The following INSR variants were observed in gnomAD, a reference collection of about 807,000 sequenced individuals.
The protein encoded by INSR is IR.
A neutral mutation model predicts 142.6 loss-of-function variants in INSR; 67 were observed. The observed-to-expected ratio is 0.47, with a 90% CI of 0.39 to 0.58. The LOEUF is 0.58. INSR is among the 20% of genes least tolerant of loss of function. The pLI, the probability that INSR is intolerant of heterozygous loss-of-function variation, is 0.00. For synonymous variants in INSR, 756 were observed against 743.1 expected, an observed-to-expected ratio of 1.02 and a Z score of -0.28; for missense variants, 1,248 against 1,833.2, an observed-to-expected ratio of 0.68 and a Z score of 5.83.
In INSR at chr19:7,267,987, C is replaced by T; in HGVS notation, c.101-91G>A. The stretch of plus-strand genomic sequence containing the variant: ...TCAGGGGCAGAGCCGGCTTCATGGA[C>T]AGGAAACCTGGGCCCTGTGTTTTCA... On this transcript the variant is annotated intron_variant, in intron 1 of 21. Coordinates refer to ENST00000302850, the MANE Select transcript of INSR (RefSeq NM_000208.4). This position sits in a 1 kb window ranked among gnomAD's most constrained non-coding sequence, Gnocchi z 6.3. 9.0e-7 allele frequency: 1 copy of T among 1,115,826 alleles called. No individual in the cohort carries two copies. The highest frequency in any genetic ancestry group is 2.5e-5 in the East Asian group (1 of 39,434). 69.1% of individuals were successfully genotyped at this position (1,115,826 alleles called of 1,614,324 possible). A position where few individuals can be genotyped will look rare whatever the true frequency, so the allele number is the denominator to read the frequency against.
At chr19:7,244,579 C>A (rs1976472660) in intron 2 of INSR, among the ~76,000 whole-genome samples, 1 of 151,710 alleles carries the variant, frequency 6.6e-6, no homozygotes, top group South Asian at 2.1e-4. Flanking sequence ...AGATCCCATA[C>A]CTGCCCGGAA....
chr19:7,168,900 A>G lies in INSR; in HGVS notation c.1484-806T>C, dbSNP rs1303847778. 6.6e-6 allele frequency among the ~76,000 whole-genome samples: 1 copy of G among 152,014 alleles called. No individual in the cohort carries two copies. Among genetic ancestry groups the G allele is most frequent in the Non-Finnish European group, 1.5e-5 (1 of 68,002 alleles). Reference sequence around the variant, plus strand: ...ATTCCAGGCGTGAGCCACCATGCCCAGCCCTTGCACTACATTTTGACATAA... The same window carrying G: ...ATTCCAGGCGTGAGCCACCATGCCCGGCCCTTGCACTACATTTTGACATAA... On this transcript the variant is annotated intron_variant, in intron 6 of 21. Coordinates refer to ENST00000302850, the MANE Select transcript of INSR (RefSeq NM_000208.4). This position sits in a 1 kb window ranked among gnomAD's most constrained non-coding sequence, Gnocchi z 4.3.
Position 7,142,832 on chromosome 19 carries a change from C to T in INSR, c.2526G>A (p.Ala842=), listed in dbSNP as rs2229430. 9.3e-6 allele frequency: 15 copies of T among 1,613,926 alleles called. No individual in the cohort carries two copies. In the African/African-American group the frequency reaches 1.3e-4, roughly 14 times the overall value. ...ERCSVAAYVS[A]RTMPEAKADD... ...CAGCCCTACCTTCAGGCATGGTCCT[C>T]GCACTGACGTAGGCTGCCACACTGC... Residue 842 remains alanine (A), a synonymous_variant, in exon 12 of 22, where the codon GCG becomes GCA. Coordinates refer to ENST00000302850, the MANE Select transcript of INSR (RefSeq NM_000208.4).
intron 2 of INSR, among the ~76,000 whole-genome samples, chr19:7,262,362 C>T (rs1379335168): frequency 6.6e-6 from 1 of 152,132 alleles, no homozygotes; most frequent in South Asian, 2.1e-4. Context: ...ATCCGAGCCA[C>T]GCGGGAGGCT....
chr19:7,152,889 C>G lies in INSR; in HGVS notation c.2068G>C (p.Glu690Gln). 3 of 1,612,716 alleles carry G rather than the reference C, an allele frequency of 1.9e-6. No individual in the cohort carries two copies. The highest frequency in any genetic ancestry group is 2.5e-6 in the Non-Finnish European group (3 of 1,179,856). The change falls in exon 10 of 22, where the codon GAG (glutamate) becomes CAG (glutamine). Residue 690 changes from glutamate (E) to glutamine (Q), a missense_variant. By Grantham distance (29) the Glu-to-Gln change is conservative. Coordinates refer to ENST00000302850, the MANE Select transcript of INSR (RefSeq NM_000208.4). ...TTGTGCTTCTGAGAATCTTCAGACT[C>G]GAATGGTGGAGACCAGGTCCTCGAG... The part of the protein sequence containing the change: ...LPSRTWSPPF[E>Q]SEDSQKHNQS...
In INSR at chr19:7,225,672, G is replaced by T. The variant is rs1975755228; in HGVS notation, c.653-41035C>A. On this transcript the variant is annotated intron_variant, in intron 2 of 21. Transcript: ENST00000302850. The surrounding 1 kb of genome is among the most constrained non-coding windows in gnomAD (Gnocchi z 4.7). ...CAGTGTCAAACCACAGAGCCACGAG[G>T]CTGATGATGGGCTCTTGGTTTCCAT... 6.6e-6 allele frequency among the ~76,000 whole-genome samples: 1 copy of T among 150,384 alleles called. No individual in the cohort carries two copies. The highest frequency in any genetic ancestry group is 2.1e-4 in the South Asian group (1 of 4,666).
At chr19:7,228,988 T>TGGATGGATGGATGGATGGATGGATGGAC (rs1293509868) in intron 2 of INSR, among the ~76,000 whole-genome samples, 8 of 140,698 alleles carry the variant, frequency 5.7e-5, no homozygotes, top group African/African-American at 2.1e-4. Context: ...GAAGGATGGA[T>TGGATGGATGGATGGATGGATGGATGGAC]GGATGGATGG....
intron 11 of INSR, among the ~76,000 whole-genome samples, chr19:7,144,860 A>G (rs928350472): frequency 1.2e-4 from 19 of 152,140 alleles, no homozygotes; most frequent in African/African-American, 4.6e-4. Flanking sequence ...ATGGTTGTCC[A>G]GAAACTCTAT....
intron 1 of INSR, among the ~76,000 whole-genome samples, chr19:7,268,897 C>T (rs1010533728): frequency 1.3e-5 from 2 of 152,098 alleles, no homozygotes; most frequent in Non-Finnish European, 2.9e-5. Flanking sequence ...GCTGCCTCCT[C>T]CTCCAGGCAG....
chr19:7,151,822 T>G (rs1973370713), intron 10 of INSR: 1 of 152,392 alleles, frequency 6.6e-6, no homozygotes, highest in East Asian at 1.9e-4. Flanking sequence ...AGACAGGGTC[T>G]CACTCTGTCA....
intron 14 of INSR, 36 bp downstream of exon 14, chr19:7,132,122 C>G (rs1177165937): frequency 6.2e-7 from 1 of 1,613,636 alleles, no homozygotes; most frequent in Admixed American, 1.7e-5. Flanking sequence ...GTGCTAAGCA[C>G]AGCCCCAGTC....
At chr19:7,241,412 T>G (rs2145150818) in intron 2 of INSR, among the ~76,000 whole-genome samples, 1 of 151,956 alleles carries the variant, frequency 6.6e-6, no homozygotes, top group African/African-American at 2.4e-5. Context: ...TCACTGGAGG[T>G]CAGGAGTTCG....
At chr19:7,211,732 A>G (rs1975279458) in intron 2 of INSR, among the ~76,000 whole-genome samples, 1 of 152,324 alleles carries the variant, frequency 6.6e-6, no homozygotes, top group East Asian at 1.9e-4. Context: ...GCCGCGGAGA[A>G]GGAAGCTGTC....
Position 7,293,925 on chromosome 19 carries a change from G to C in INSR, c.-34C>G. The C allele has an allele frequency of 8.5e-7, 1 of 1,179,150 alleles. No homozygotes were observed. The highest frequency in any genetic ancestry group is 1.0e-6 in the Non-Finnish European group (1 of 957,700). 73.0% of individuals were successfully genotyped at this position (1,179,150 alleles called of 1,614,324 possible). A position where few individuals can be genotyped will look rare whatever the true frequency, so the allele number is the denominator to read the frequency against. On this transcript the variant is annotated 5_prime_UTR_variant, in exon 1 of 22. Coordinates refer to ENST00000302850, the MANE Select transcript of INSR (RefSeq NM_000208.4). Reference sequence around the variant, plus strand: ...GAGCGCGGGGTCTCCTCGGATCAGAGCGCGCGGCGCTGGCCCGCGGGGGTC... The same window carrying C: ...GAGCGCGGGGTCTCCTCGGATCAGACCGCGCGGCGCTGGCCCGCGGGGGTC...
In INSR at chr19:7,197,516, G is replaced by GTGGGTGTGTGT. The variant is rs1568480264; in HGVS notation, c.653-12880_653-12879insACACACACCCA. On this transcript the variant is annotated intron_variant, in intron 2 of 21. Coordinates refer to ENST00000302850, the MANE Select transcript of INSR (RefSeq NM_000208.4). ...TGGCAGGTTCCAGAGTGGGAGTGGG[G>GTGGGTGTGTGT]GTGTGTGTGTGTGTGTGTGTGTGTG... 4.7e-3 allele frequency among the ~76,000 whole-genome samples: 335 copies of GTGGGTGTGTGT among 70,920 alleles called. 27 individuals carry two copies. The highest frequency in any genetic ancestry group is 6.9e-3 in the Non-Finnish European group (245 of 35,630). The allele number at this position is 70,920 out of a possible 152,430, so 46.5% of individuals were successfully genotyped here.
chr19:7,129,464 AC>A (rs1240040652), intron 14 of INSR, among the ~76,000 whole-genome samples: 1 of 152,112 alleles, frequency 6.6e-6, no homozygotes, highest in African/African-American at 2.4e-5. Flanking sequence ...AGCTGGGACT[AC>A]AGGCATGCAC....
intron 2 of INSR, among the ~76,000 whole-genome samples, chr19:7,215,082 A>C (rs1396318958): frequency 6.6e-6 from 1 of 151,930 alleles, no homozygotes; most frequent in Non-Finnish European, 1.5e-5. Context: ...CAGCCTCCCG[A>C]GTAGCTGGGG....
intron 2 of INSR, among the ~76,000 whole-genome samples, chr19:7,236,982 G>A (rs1164493954): frequency 2.7e-5 from 4 of 149,462 alleles, no homozygotes; most frequent in Admixed American, 6.7e-5. Flanking sequence ...AGCCGAGATC[G>A]CGCCACTGCA....
intron 9 of INSR, among the ~76,000 whole-genome samples, chr19:7,156,122 G>A (rs1393353420): frequency 8.8e-5 from 12 of 135,820 alleles, no homozygotes; most frequent in Non-Finnish European, 1.4e-4. Flanking sequence ...GTGCAGTGGC[G>A]TGATCTTGGC....
Sources: allele counts gnomAD v4.1 joint callset (sites outside exome capture counted in the v4.1 genomes callset), GRCh38; gene constraint gnomAD v4.1.1; non-coding constraint Gnocchi (gnomAD v3.1); transcripts MANE v1.5; gene names NCBI Gene and HGNC (gene_info 2026-07-23, HGNC 2026-07-21).